PTPRT: variants seen among roughly 807,000 people sequenced by gnomAD.
PTPRT encodes protein tyrosine phosphatase receptor type T.
PTPRT carries 56 observed loss-of-function variants against 176.8 expected under a neutral mutation model. The observed-to-expected ratio is 0.32, with a 90% CI of 0.26 to 0.40. The LOEUF (loss-of-function observed/expected upper bound fraction) is 0.40, where lower values mean the gene tolerates loss of function less well. Among genes scored for constraint, PTPRT ranks in the 10% least tolerant of loss-of-function variants. The pLI is 1.00. For synonymous variants in PTPRT, 783 were observed against 739.0 expected, an observed-to-expected ratio of 1.06 and a Z score of -0.96; for missense variants, 1,540 against 1,908.2, an observed-to-expected ratio of 0.81 and a Z score of 3.60.
intron 11 of PTPRT, among the ~76,000 whole-genome samples, chr20:42,322,093 A>G (rs2057807258): frequency 6.6e-6 from 1 of 152,152 alleles, no homozygotes; most frequent in Non-Finnish European, 1.5e-5. Flanking sequence ...AGAACATTTC[A>G]ACAAATGTTA....
chr20:43,126,218 G>C (rs536127026), intron 1 of PTPRT, among the ~76,000 whole-genome samples: 1 of 152,152 alleles, frequency 6.6e-6, no homozygotes, highest in African/African-American at 2.4e-5. Context: ...GGGCATGATG[G>C]TGGGTGCCTG....
At chr20:42,620,801 G>A (rs910153210) in intron 7 of PTPRT, among the ~76,000 whole-genome samples, 7 of 152,114 alleles carry the variant, frequency 4.6e-5, no homozygotes, top group African/African-American at 1.4e-4. Context: ...GCTTCGGCTT[G>A]CGCACGGTGC....
rs147532719 is a variant in PTPRT at position 42,481,659 on chromosome 20, T to A, written c.1154-9097A>T. 4.0e-3 allele frequency among the ~76,000 whole-genome samples: 603 copies of A among 151,688 alleles called. 3 individuals carry two copies. The highest frequency in any genetic ancestry group is 0.014 in the African/African-American group (574 of 41,348). ...AATTTTTTTTTTAGAGGCAAGTATC[T>A]CACTATTTGCCCAAGCGGGTCTCGA... On this transcript the variant is annotated intron_variant, in intron 7 of 30. Transcript: ENST00000373187.
intron 1 of PTPRT, among the ~76,000 whole-genome samples, chr20:43,151,863 CA>C (rs746294089): frequency 0.012 from 1,483 of 125,386 alleles, 17 homozygotes; most frequent in African/African-American, 0.034. Flanking sequence ...AACTCCGTCT[CA>C]AAAAAAAAAA....
chr20:42,769,629 A>G (rs2077034103), intron 5 of PTPRT, among the ~76,000 whole-genome samples: 1 of 152,144 alleles, frequency 6.6e-6, no homozygotes, highest in Admixed American at 6.5e-5. Context: ...TCACTTTCAT[A>G]CCCAAGAGAA....
chr20:42,652,778 G>C lies in PTPRT; in HGVS notation c.1153+25088C>G, dbSNP rs2075055791. Reference sequence around the variant, plus strand: ...TCACATCACTTAGTGCAGATTTCCTGAACAGTGTGTCCTTCAGTTCATATG... The same window carrying C: ...TCACATCACTTAGTGCAGATTTCCTCAACAGTGTGTCCTTCAGTTCATATG... On this transcript the variant is annotated intron_variant, in intron 7 of 30. Transcript: ENST00000373187. Among the ~76,000 whole-genome samples the C allele has an allele frequency of 3.3e-5, 5 of 152,100 alleles. No homozygotes were observed. The South Asian group carries it at 1.0e-3, about 32-fold the overall frequency.
chr20:42,555,525 G>A lies in PTPRT; in HGVS notation c.1154-82963C>T, dbSNP rs148449488. Among the ~76,000 whole-genome samples the A allele has an allele frequency of 8.1e-4, 124 of 152,272 alleles. 2 individuals carry two copies. The East Asian group carries it at 0.023, about 28-fold the overall frequency. ...CTGCAACTCCCAATAGGGAAGTCAG[G>A]GAAGTTGTGCTAGGATGTGTTATTG... On this transcript the variant is annotated intron_variant, in intron 7 of 30. Transcript: ENST00000373187.
intron 7 of PTPRT, among the ~76,000 whole-genome samples, chr20:42,504,910 G>T (rs867690470): frequency 7.2e-5 from 11 of 152,142 alleles, no homozygotes; most frequent in Non-Finnish European, 1.5e-4. Context: ...CTGCAGGTCA[G>T]TAGAAATAAG....
chr20:42,964,947 C>T (rs1024907453), intron 1 of PTPRT, among the ~76,000 whole-genome samples: 4 of 152,122 alleles, frequency 2.6e-5, no homozygotes, highest in Non-Finnish European at 5.9e-5. Context: ...TCTTGATTTA[C>T]ATTCTTAGTA....
intron 9 of PTPRT, among the ~76,000 whole-genome samples, chr20:42,384,500 T>C (rs1321924279): frequency 1.3e-5 from 2 of 152,186 alleles, no homozygotes; most frequent in African/African-American, 4.8e-5. Context: ...TCTTTATCGA[T>C]TCATTCACCA....
At chr20:42,980,586 C>T (rs1264908287) in intron 1 of PTPRT, among the ~76,000 whole-genome samples, 1 of 152,166 alleles carries the variant, frequency 6.6e-6, no homozygotes, top group Non-Finnish European at 1.5e-5. Flanking sequence ...AGACTTCCCC[C>T]CACCCTACTG....
At chr20:42,040,530 T>C in the PTPRT span, among the ~76,000 whole-genome samples, 2 of 152,176 alleles carry the variant, frequency 1.3e-5, no homozygotes, top group African/African-American at 4.8e-5. Context: ...GCCCATCTAC[T>C]TTCCCTCACC....
At chr20:42,837,497 A>T (rs960365325) in intron 2 of PTPRT, among the ~76,000 whole-genome samples, 2 of 152,108 alleles carry the variant, frequency 1.3e-5, no homozygotes, top group Non-Finnish European at 2.9e-5. Flanking sequence ...CCTGCCATCA[A>T]AGTGGAGGGA....
At chr20:42,761,390 T>C (rs1308548855) in intron 5 of PTPRT, among the ~76,000 whole-genome samples, 1 of 151,326 alleles carries the variant, frequency 6.6e-6, no homozygotes, top group African/African-American at 2.4e-5. Context: ...GCCAAGATCG[T>C]GCCACTGCAC....
At chr20:42,969,852 C>T (rs1298584250) in intron 1 of PTPRT, among the ~76,000 whole-genome samples, 1 of 152,170 alleles carries the variant, frequency 6.6e-6, no homozygotes, top group Non-Finnish European at 1.5e-5. Context: ...GGTACATTTA[C>T]TATATTGCTT....
intron 7 of PTPRT, among the ~76,000 whole-genome samples, chr20:42,519,153 A>C (rs1748622390): frequency 6.6e-6 from 1 of 152,110 alleles, no homozygotes; most frequent in Admixed American, 6.6e-5. Flanking sequence ...CCTTCTTAAC[A>C]TTGGCAGCCA....
In PTPRT at chr20:42,104,547, C is replaced by T. The variant is rs201892675; in HGVS notation, c.3540+22G>A. The T allele has an allele frequency of 6.4e-5, 103 of 1,601,044 alleles. No homozygotes were observed. The African/African-American group carries it at 1.0e-3, about 16-fold the overall frequency. ...AACCCAAACTGACTAAGATGGTCACCGAGCCTGGGATTTGCTCATACCTGA... is the reference window on the plus strand; with the variant it reads ...AACCCAAACTGACTAAGATGGTCACTGAGCCTGGGATTTGCTCATACCTGA... On this transcript the variant is annotated intron_variant, in intron 25 of 30. Coordinates refer to ENST00000373187, the MANE Select transcript of PTPRT (RefSeq NM_007050.6).
chr20:43,056,267 C>T (rs1344056065), intron 1 of PTPRT, among the ~76,000 whole-genome samples: 1 of 152,194 alleles, frequency 6.6e-6, no homozygotes, highest in East Asian at 1.9e-4. Flanking sequence ...TGGCTACCTA[C>T]CAGGAACTAC....
intron 1 of PTPRT, among the ~76,000 whole-genome samples, chr20:42,927,675 C>T (rs565297616): frequency 6.6e-6 from 1 of 152,166 alleles, no homozygotes; most frequent in African/African-American, 2.4e-5. Flanking sequence ...TGCAGTCAAA[C>T]AGACCAGAGT....
Sources: gnomAD v4.1 joint callset for allele counts (sites outside exome capture counted in the v4.1 genomes callset) on GRCh38, gnomAD v4.1.1 for gene constraint, MANE v1.5 for transcripts, NCBI Gene and HGNC (gene_info 2026-07-23, HGNC 2026-07-21) for gene names.